The following ATXN7 variants were observed in gnomAD, a reference collection of about 807,000 sequenced individuals.
The protein encoded by ATXN7 is ataxin 7.
ATXN7 carries 12 observed loss-of-function variants against 70.5 expected under a neutral mutation model. That is an observed-to-expected ratio of 0.17 (90% CI 0.11 to 0.28). The LOEUF is 0.28. Among genes scored for constraint, ATXN7 ranks in the 10% least tolerant of loss-of-function variants. The probability of loss-of-function intolerance (pLI) is 1.00; values close to 1 mark genes in which losing one functional copy is unlikely to be tolerated. For missense variants in ATXN7, 1,256 were observed against 1,131.7 expected (o/e 1.11, Z -1.58); for synonymous variants, 498 against 448.7 (o/e 1.11, Z -1.39).
chr3:63,981,062 C>A (rs2075478450), intron 6 of ATXN7, among the ~76,000 whole-genome samples: 1 of 152,182 alleles, frequency 6.6e-6, no homozygotes, highest in African/African-American at 2.4e-5. Context: ...CTTGGGCCAG[C>A]CTGCTTTTGG....
intron 1 of ATXN7, among the ~76,000 whole-genome samples, chr3:63,880,589 T>G (rs981237971): frequency 6.6e-6 from 1 of 152,336 alleles, no homozygotes; most frequent in South Asian, 2.1e-4. Context: ...TTTTAGTTCC[T>G]TGAACTTGCT....
chr3:63,968,305 G>A (rs2075259210), intron 5 of ATXN7: 1 of 257,980 alleles, frequency 3.9e-6, no homozygotes, highest in Admixed American at 5.3e-5. Context: ...TTCAGATGCA[G>A]ACGGGAGCCG....
chr3:63,926,291 T>C (rs969477986), intron 4 of ATXN7, among the ~76,000 whole-genome samples: 9 of 152,078 alleles, frequency 5.9e-5, no homozygotes, highest in African/African-American at 2.2e-4. Context: ...TAAAGAAAAG[T>C]ATATGGCAGG....
chr3:63,938,795 A>G (rs897082385), intron 4 of ATXN7, among the ~76,000 whole-genome samples: 1 of 152,220 alleles, frequency 6.6e-6, no homozygotes, highest in East Asian at 1.9e-4. Context: ...TTTTGGACAC[A>G]GGAGATTTAT....
chr3:63,982,137 G>A (rs773572614), intron 6 of ATXN7, 49 bp from the exon 7 acceptor site: 7 of 1,611,242 alleles, frequency 4.3e-6, no homozygotes, highest in Non-Finnish European at 5.9e-6. Flanking sequence ...TTCACCTGGG[G>A]GCTGCTGAGG....
chr3:63,996,120 T>A lies in ATXN7; in HGVS notation c.2298T>A (p.Asn766Lys), dbSNP rs2075754858. The change falls in exon 12 of 13, where the codon AAT becomes AAA. Residue 766 changes from asparagine to lysine, a missense_variant. Asn to Lys is a moderately conservative substitution (Grantham distance 94, BLOSUM62 0). Transcript: ENST00000674280. ...IGLNCVTNKA[N>K]AVNVRHDQSG... ...TCAACTGTGTGACGAATAAAGCAAA[T>A]GCGGTGAACGTCCGGCATGACCAGT... 1 of 1,613,944 alleles carries A rather than the reference T, an allele frequency of 6.2e-7. No individual in the cohort carries two copies. The highest frequency in any genetic ancestry group is 1.3e-5 in the African/African-American group (1 of 74,858).
At chr3:63,971,036 C>T (rs761166274) in intron 5 of ATXN7, among the ~76,000 whole-genome samples, 7 of 152,258 alleles carry the variant, frequency 4.6e-5, no homozygotes, top group Non-Finnish European at 7.4e-5. Context: ...AAAGCACCTC[C>T]GCATTAGGGG....
At chr3:63,974,093 C>T (rs2075356390) in intron 5 of ATXN7, among the ~76,000 whole-genome samples, 1 of 152,070 alleles carries the variant, frequency 6.6e-6, no homozygotes, top group African/African-American at 2.4e-5. Context: ...CGGAGACCCT[C>T]CCCTGTCTTT....
rs1488875974 is a variant in ATXN7 at position 63,933,812 on chromosome 3, A to G, written c.395-18567A>G. On this transcript the variant is annotated intron_variant, in intron 4 of 12. Coordinates refer to ENST00000674280, the MANE Select transcript of ATXN7 (RefSeq NM_001377405.1). Reference sequence around the variant, plus strand: ...TTTGTTATATAACATTTAATGGGCAATAAAGGGGTGCGCAGTGGTTCCTGC... The same window carrying G: ...TTTGTTATATAACATTTAATGGGCAGTAAAGGGGTGCGCAGTGGTTCCTGC... Among the ~76,000 whole-genome samples, 6 of 152,198 alleles carry G rather than the reference A, an allele frequency of 3.9e-5. No homozygotes were observed. In the East Asian group the frequency reaches 5.8e-4, roughly 15 times the overall value.
At chr3:63,965,313 C>CT (rs1477532424) in intron 5 of ATXN7, among the ~76,000 whole-genome samples, 1 of 152,174 alleles carries the variant, frequency 6.6e-6, no homozygotes, top group Non-Finnish European at 1.5e-5. Flanking sequence ...CAGTCCTTAG[C>CT]TCTCCTGAGT....
intron 5 of ATXN7, among the ~76,000 whole-genome samples, chr3:63,966,924 G>C (rs144738084): frequency 2.0e-5 from 3 of 152,088 alleles, no homozygotes; most frequent in South Asian, 2.1e-4. Context: ...AGATCACTTG[G>C]CAGTTTTTTC....
chr3:63,883,410 G>A (rs577566565), intron 1 of ATXN7, among the ~76,000 whole-genome samples: 6 of 152,250 alleles, frequency 3.9e-5, no homozygotes, highest in African/African-American at 1.2e-4. Flanking sequence ...AGTGTGTGTT[G>A]CATGGGATTA....
intron 5 of ATXN7, among the ~76,000 whole-genome samples, chr3:63,979,410 G>C (rs756988202): frequency 3.3e-5 from 5 of 152,164 alleles, no homozygotes; most frequent in Admixed American, 1.3e-4. Flanking sequence ...TTCTTATTTG[G>C]TGTCATCTGC....
At chr3:63,863,413 C>G, upstream of ATXN7, 1 of 1,073,380 alleles carries the variant, frequency 9.3e-7, no homozygotes, top group Non-Finnish European at 1.1e-6. Context: ...CAAACCCGGA[C>G]TCCCTCTGGT....
At chr3:63,934,278 C>T (rs2074616811) in intron 4 of ATXN7, among the ~76,000 whole-genome samples, 1 of 152,174 alleles carries the variant, frequency 6.6e-6, no homozygotes, top group South Asian at 2.1e-4. Context: ...AGTCTGGCCT[C>T]TTTGGCGCAC....
chr3:63,927,992 C>G (rs771072975), intron 4 of ATXN7, among the ~76,000 whole-genome samples: 8 of 152,216 alleles, frequency 5.3e-5, no homozygotes, highest in African/African-American at 1.9e-4. Flanking sequence ...AGTTTATAAT[C>G]TATTCATGAA....
At chr3:63,942,535 T>C (rs1341607762) in intron 4 of ATXN7, among the ~76,000 whole-genome samples, 3 of 152,216 alleles carry the variant, frequency 2.0e-5, no homozygotes, top group Non-Finnish European at 4.4e-5. Context: ...ATACCTTGAA[T>C]AGTGCCTAGC....
chr3:63,886,717 G>A (rs1335160549), intron 1 of ATXN7, among the ~76,000 whole-genome samples: 1 of 152,168 alleles, frequency 6.6e-6, no homozygotes, highest in Non-Finnish European at 1.5e-5. Flanking sequence ...ACTATGGCAA[G>A]GACAATAGTC....
intron 4 of ATXN7, among the ~76,000 whole-genome samples, chr3:63,918,590 C>T (rs191534999): frequency 9.2e-5 from 14 of 152,274 alleles, no homozygotes; most frequent in Admixed American, 3.3e-4. Flanking sequence ...TGAAGCATAT[C>T]ATTTCTTTTG....
Sources: allele counts gnomAD v4.1 joint callset (sites outside exome capture counted in the v4.1 genomes callset), GRCh38; gene constraint gnomAD v4.1.1; transcripts MANE v1.5; gene names NCBI Gene and HGNC (gene_info 2026-07-23, HGNC 2026-07-21).